PSD3: variants seen among roughly 807,000 people sequenced by gnomAD.
The protein encoded by PSD3 is pleckstrin and Sec7 domain containing 3.
Under a neutral mutation model 105.5 loss-of-function variants are expected in PSD3, and 49 were observed. The ratio of observed to expected loss-of-function variants is 0.46; its 90% CI spans 0.37 to 0.59. The LOEUF (loss-of-function observed/expected upper bound fraction) is 0.59, where lower values mean the gene tolerates loss of function less well. PSD3 is among the 20% of genes least tolerant of loss of function. The probability of loss-of-function intolerance (pLI) is 0.00; values close to 1 mark genes in which losing one functional copy is unlikely to be tolerated. For missense variants in PSD3, 1,561 were observed against 1,263.8 expected (o/e 1.24, Z -3.57); for synonymous variants, 557 against 457.8 (o/e 1.22, Z -2.77).
chr8:18,755,396 C>T (rs2129440562), intron 9 of PSD3, among the ~76,000 whole-genome samples: 1 of 151,622 alleles, frequency 6.6e-6, no homozygotes, highest in East Asian at 1.9e-4. Context: ...TACCACTGCA[C>T]TCCTGCCTGG....
chr8:18,570,462 G>C (rs1294574802), intron 14 of PSD3, among the ~76,000 whole-genome samples: 3 of 141,924 alleles, frequency 2.1e-5, no homozygotes, highest in Non-Finnish European at 4.6e-5. Context: ...ACACAAAATT[G>C]ACAAATGGGA....
chr8:18,847,510 C>T (rs1349078841), intron 4 of PSD3, among the ~76,000 whole-genome samples: 1 of 152,120 alleles, frequency 6.6e-6, no homozygotes, highest in East Asian at 1.9e-4. Flanking sequence ...CCAGTATCCT[C>T]GTTGTTTTCA....
At chr8:19,037,958 G>T (rs1563523464) in intron 1 of PSD3, among the ~76,000 whole-genome samples, 3 of 148,682 alleles carry the variant, frequency 2.0e-5, no homozygotes, top group African/African-American at 7.4e-5. Context: ...CACATTAAAA[G>T]TATATATATA....
chr8:18,814,013 C>T lies in PSD3; in HGVS notation c.1635-9115G>A, dbSNP rs570935189. On this transcript the variant is annotated intron_variant, in intron 4 of 15. Coordinates refer to ENST00000327040, the MANE Select transcript of PSD3 (RefSeq NM_015310.4). ...AAATCTCCATACAAATGTTAGTTAGCGCTCAGTAGGAATACTTAGGACAAA... is the reference window on the plus strand; with the variant it reads ...AAATCTCCATACAAATGTTAGTTAGTGCTCAGTAGGAATACTTAGGACAAA... Among the ~76,000 whole-genome samples the T allele has an allele frequency of 4.6e-5, 7 of 152,264 alleles. No homozygotes were observed. The South Asian group carries it at 6.2e-4, about 14-fold the overall frequency.
At chr8:18,659,422 G>C (rs565442632) in intron 9 of PSD3, among the ~76,000 whole-genome samples, 2 of 152,124 alleles carry the variant, frequency 1.3e-5, no homozygotes, top group Admixed American at 6.5e-5. Flanking sequence ...TGAAACAAAG[G>C]TTTCCTTATA....
intron 10 of PSD3, among the ~76,000 whole-genome samples, chr8:18,641,604 C>T (rs545031985): frequency 1.3e-4 from 20 of 152,272 alleles, no homozygotes; most frequent in African/African-American, 4.1e-4. Flanking sequence ...GGTTGTTACA[C>T]AAGTGTGCAA....
At chr8:18,642,300 T>C (rs1194946347) in intron 10 of PSD3, among the ~76,000 whole-genome samples, 1 of 152,184 alleles carries the variant, frequency 6.6e-6, no homozygotes, top group Non-Finnish European at 1.5e-5. Context: ...TCCTTGAGTA[T>C]TCTTGATCTG....
At chr8:18,892,175 T>TCACACGCA (rs1818829482) in intron 2 of PSD3, among the ~76,000 whole-genome samples, 1 of 149,864 alleles carries the variant, frequency 6.7e-6, no homozygotes, top group African/African-American at 2.5e-5. Context: ...TTACTTACAA[T>TCACACGCA]CACACACACA....
At position 18,575,232 on chromosome 8, in the gene PSD3, C is replaced by G. The variant is rs750197276; in HGVS notation, c.2535G>C (p.Val845=). 1 of 1,613,508 alleles carries G rather than the reference C, an allele frequency of 6.2e-7. No individual in the cohort carries two copies. The highest frequency in any genetic ancestry group is 2.2e-5 in the East Asian group (1 of 44,834). Residue 845 remains valine, a synonymous_variant, in exon 13 of 16, where the codon GTG becomes GTC. Coordinates refer to ENST00000327040, the MANE Select transcript of PSD3 (RefSeq NM_015310.4). ...ALSEEDLKNA[V]SVHHALASKA... ...TGGATGCCAATGCGTGGTGCACACT[C>G]ACAGCGTTTTTCAAGTCCTCTTCAG...
intron 9 of PSD3, among the ~76,000 whole-genome samples, chr8:18,712,902 T>C (rs1441065404): frequency 6.6e-6 from 1 of 152,152 alleles, no homozygotes; most frequent in Non-Finnish European, 1.5e-5. Flanking sequence ...GCTGGCAAAC[T>C]GCATCCCGAA....
intron 4 of PSD3, among the ~76,000 whole-genome samples, chr8:18,836,865 T>C (rs1426623485): frequency 6.6e-6 from 1 of 151,786 alleles, no homozygotes; most frequent in Admixed American, 6.6e-5. Context: ...ATATTTTTGA[T>C]CCACAGTTGG....
intron 10 of PSD3, among the ~76,000 whole-genome samples, chr8:18,638,388 C>T (rs1404743695): frequency 2.0e-5 from 3 of 150,608 alleles, no homozygotes; most frequent in African/African-American, 7.3e-5. Context: ...ATAGAAAAAC[C>T]GTAAAAACTA....
intron 11 of PSD3, among the ~76,000 whole-genome samples, chr8:18,626,344 T>C (rs1457042271): frequency 1.3e-5 from 2 of 151,948 alleles, no homozygotes; most frequent in Non-Finnish European, 1.5e-5. Flanking sequence ...CCATGCAGCT[T>C]TGATTCAAAT....
At chr8:18,549,279 T>C (rs1800628598) in intron 15 of PSD3, among the ~76,000 whole-genome samples, 1 of 151,016 alleles carries the variant, frequency 6.6e-6, no homozygotes, top group South Asian at 2.1e-4. Flanking sequence ...CCTCCCGGGT[T>C]CAAGTGATTC....
At chr8:18,630,413 A>G (rs1218478253) in intron 11 of PSD3, among the ~76,000 whole-genome samples, 1 of 151,920 alleles carries the variant, frequency 6.6e-6, no homozygotes, top group Non-Finnish European at 1.5e-5. Context: ...GAATCCTCCA[A>G]TAGAGGAGGT....
At chr8:18,947,022 C>T (rs755110676) in intron 1 of PSD3, among the ~76,000 whole-genome samples, 38 of 152,012 alleles carry the variant, frequency 2.5e-4, no homozygotes, top group Non-Finnish European at 5.0e-4. Flanking sequence ...GGAAGATGCT[C>T]GTGCTTGGGC....
chr8:18,632,282 C>A (rs553749035), intron 11 of PSD3, among the ~76,000 whole-genome samples: 1 of 152,176 alleles, frequency 6.6e-6, no homozygotes, highest in East Asian at 1.9e-4. Context: ...AAGACAGAAA[C>A]CTTGTCCCTC....
chr8:18,930,091 G>A (rs1821640073), intron 2 of PSD3, among the ~76,000 whole-genome samples: 1 of 152,042 alleles, frequency 6.6e-6, no homozygotes, highest in Admixed American at 6.6e-5. Context: ...AAGTAGAGAG[G>A]ACAAATATTT....
At chr8:18,779,213 T>G (rs1435511767) in intron 8 of PSD3, among the ~76,000 whole-genome samples, 1 of 152,192 alleles carries the variant, frequency 6.6e-6, no homozygotes, top group Non-Finnish European at 1.5e-5. Flanking sequence ...TGAATCTGTT[T>G]CCCGTAGGTT....
Sources: gnomAD v4.1 joint callset for allele counts (sites outside exome capture counted in the v4.1 genomes callset) on GRCh38, gnomAD v4.1.1 for gene constraint, MANE v1.5 for transcripts, NCBI Gene and HGNC (gene_info 2026-07-23, HGNC 2026-07-21) for gene names.